GALNS: variants seen among roughly 807,000 people sequenced by gnomAD.
GALNS encodes galactosamine (N-acetyl)-6-sulfatase.
In GALNS, 65 loss-of-function variants were observed where a neutral mutation model predicts 65.9. The ratio of observed to expected loss-of-function variants is 0.99; its 90% CI spans 0.81 to 1.21. The LOEUF is 1.21. Among genes scored for constraint, GALNS ranks in the 50% most tolerant of loss-of-function variants. The pLI is 0.00. For missense variants in GALNS, 776 were observed against 700.7 expected, an observed-to-expected ratio of 1.11 and a Z score of -1.21; for synonymous variants, 346 against 288.9, an observed-to-expected ratio of 1.20 and a Z score of -2.00.
intron 1 of GALNS, chr16:88,843,556 A>C: frequency 4.0e-6 from 1 of 248,302 alleles, no homozygotes; most frequent in Non-Finnish European, 8.2e-6. Context: ...GTGGGCCCTC[A>C]ATCCTATGAC....
Position 88,847,592 on chromosome 16 carries a change from G to C in GALNS, c.121-4763C>G, listed in dbSNP as rs113845411. Among the ~76,000 whole-genome samples, 552 of 152,340 alleles carry C rather than the reference G, an allele frequency of 3.6e-3. 2 individuals are homozygous for C. Among genetic ancestry groups the C allele is most frequent in the African/African-American group, 0.012 (517 of 41,582 alleles). ...ATTTCAAATGACCCCAAGACAGGCT[G>C]CATGGGCCCTGGTGCTCCAAGAGCC... On this transcript the variant is annotated intron_variant, in intron 1 of 13. Transcript: ENST00000268695.
At chr16:88,830,160 G>C (rs1441417325) in intron 9 of GALNS, among the ~76,000 whole-genome samples, 3 of 150,312 alleles carry the variant, frequency 2.0e-5, no homozygotes, top group African/African-American at 4.9e-5. Context: ...GAATCTGGGA[G>C]GTAGAAGTTG....
At chr16:88,832,122 T>A in intron 8 of GALNS, 21 bp from the exon 9 acceptor site, 1 of 1,602,446 alleles carries the variant, frequency 6.2e-7, no homozygotes, top group Non-Finnish European at 8.5e-7. Context: ...GGGGCCCTTG[T>A]CAGGCCACTG....
At chr16:88,830,437 T>C (rs1261679899) in intron 9 of GALNS, among the ~76,000 whole-genome samples, 1 of 152,078 alleles carries the variant, frequency 6.6e-6, no homozygotes, top group Non-Finnish European at 1.5e-5. Context: ...ATGAGCCCCA[T>C]GTTGACTCTG....
At chr16:88,838,043 C>T (rs1032532233) in intron 4 of GALNS, among the ~76,000 whole-genome samples, 9 of 152,160 alleles carry the variant, frequency 5.9e-5, no homozygotes, top group Admixed American at 2.0e-4. Context: ...GGTGGTGCAT[C>T]GTGAGGAGCC....
intron 5 of GALNS, among the ~76,000 whole-genome samples, chr16:88,836,717 C>G (rs149053254): frequency 6.6e-6 from 1 of 152,014 alleles, no homozygotes. Context: ...CCAAGCTGGA[C>G]GCATCCCTCG....
At chr16:88,848,475 T>C (rs926916092) in intron 1 of GALNS, among the ~76,000 whole-genome samples, 1 of 148,118 alleles carries the variant, frequency 6.8e-6, no homozygotes, top group Non-Finnish European at 1.5e-5. Flanking sequence ...CTACCAAAAA[T>C]ACAAAAAATT....
At chr16:88,830,230 C>CAA (rs758855583) in intron 9 of GALNS, among the ~76,000 whole-genome samples, 10 of 13,976 alleles carry the variant, frequency 7.2e-4, no homozygotes, top group Non-Finnish European at 1.3e-3. Context: ...GACTTCATCT[C>CAA]AAAAAAAAAA....
chr16:88,816,759 G>A (rs1481304105), intron 13 of GALNS: 15 of 985,318 alleles, frequency 1.5e-5, no homozygotes, highest in Non-Finnish European at 1.8e-5. Flanking sequence ...CGGCTCCCAC[G>A]CTGCAGCCGG....
At chr16:88,827,634 C>G (rs1911070408) in intron 9 of GALNS, among the ~76,000 whole-genome samples, 1 of 152,086 alleles carries the variant, frequency 6.6e-6, no homozygotes, top group African/African-American at 2.4e-5. Context: ...TTAGTAGAGA[C>G]GGGGTTTCTC....
At chr16:88,853,820 C>T (rs1411024777) in intron 1 of GALNS, among the ~76,000 whole-genome samples, 1 of 152,092 alleles carries the variant, frequency 6.6e-6, no homozygotes, top group Non-Finnish European at 1.5e-5. Context: ...GCAGGTAGAC[C>T]CGTCCTTGCC....
At position 88,837,612 on chromosome 16, in the gene GALNS, G is replaced by A. The variant is rs77514811; in HGVS notation, c.566+10C>T. The A allele has an allele frequency of 2.7e-3, 4,318 of 1,612,104 alleles. 84 individuals are homozygous for A. The African/African-American group carries it at 0.049, about 18-fold the overall frequency. On this transcript the variant is annotated intron_variant, in intron 5 of 13. Transcript: ENST00000268695. ...AGGACGTGGGAGGGGAAGGGGTGGG[G>A]CTCCATTACCTGCCAACCATCTCCC...
Position 88,814,429 on chromosome 16 carries a change from T to C in GALNS, c.*10A>G. On this transcript the variant is annotated 3_prime_UTR_variant, in exon 14 of 14. Coordinates refer to ENST00000268695, the MANE Select transcript of GALNS (RefSeq NM_000512.5). ...GGAGATTCTAGGCCTGGCCTGAGTC[T>C]GCGCAGGTGCTAGTGGGACCAGAGG... 6.4e-7 allele frequency: 1 copy of C among 1,555,694 alleles called. No homozygotes were observed. Among genetic ancestry groups the C allele is most frequent in the South Asian group, 1.2e-5 (1 of 84,344 alleles).
chr16:88,850,495 C>T (rs1236523855), intron 1 of GALNS, among the ~76,000 whole-genome samples: 19 of 152,018 alleles, frequency 1.2e-4, no homozygotes, highest in Non-Finnish European at 2.9e-5. Flanking sequence ...CCAGAAAATA[C>T]TGCGGGGAGG....
rs564115574 is a variant in GALNS, at chr16:88,831,893, T to G, written c.1002+105A>C. ...TGCGTGGGGAGGAGAGCGGTGAGGA[T>G]GAGCACGGGGTGCATGGGGGAGGTG... is the stretch of plus-strand genomic sequence containing the variant. On this transcript the variant is annotated intron_variant, in intron 9 of 13. Coordinates refer to ENST00000268695, the MANE Select transcript of GALNS (RefSeq NM_000512.5). The G allele has an allele frequency of 1.2e-5, 10 of 860,352 alleles. No homozygotes were observed. The South Asian group carries it at 1.3e-4, about 11-fold the overall frequency. The allele number at this position is 860,352 out of a possible 1,614,324, so 53.3% of individuals were successfully genotyped here. A position where few individuals can be genotyped will look rare whatever the true frequency, so the allele number is the denominator to read the frequency against.
chr16:88,817,961 C>A (rs190672441), intron 13 of GALNS, 46 bp downstream of exon 13: 2 of 1,482,346 alleles, frequency 1.3e-6, no homozygotes, highest in Admixed American at 1.9e-5. Context: ...GGGTGGGTGG[C>A]TGCAGCCCCG....
chr16:88,839,488 T>C (rs1966875701), intron 4 of GALNS, among the ~76,000 whole-genome samples: 1 of 152,258 alleles, frequency 6.6e-6, no homozygotes, highest in Non-Finnish European at 1.5e-5. Context: ...CGCGGCCCTC[T>C]GGGACTCAAG....
At chr16:88,843,555 C>T (rs1196279290) in intron 1 of GALNS, 2 of 250,536 alleles carry the variant, frequency 8.0e-6, no homozygotes, top group Non-Finnish European at 1.6e-5. Context: ...GGTGGGCCCT[C>T]AATCCTATGA....
At chr16:88,834,638 C>CCCCA (rs1261804225) in intron 8 of GALNS, among the ~76,000 whole-genome samples, 1 of 150,618 alleles carries the variant, frequency 6.6e-6, no homozygotes, top group African/African-American at 2.4e-5. Context: ...TGCAGGGCCC[C>CCCCA]CCCCCGCGTG....
Sources: allele counts gnomAD v4.1 joint callset (sites outside exome capture counted in the v4.1 genomes callset), GRCh38; gene constraint gnomAD v4.1.1; transcripts MANE v1.5; gene names NCBI Gene and HGNC (gene_info 2026-07-23, HGNC 2026-07-21).